The following FSTL5 variants were observed in gnomAD, a reference collection of about 807,000 sequenced individuals.
FSTL5 encodes follistatin like 5.
Under a neutral mutation model 89.1 loss-of-function variants are expected in FSTL5, and 62 were observed. That is an observed-to-expected ratio of 0.70 (90% CI 0.57 to 0.86). The LOEUF is 0.86. Among genes scored for constraint, FSTL5 ranks in the 40% least tolerant of loss-of-function variants. The pLI is 0.00. For missense variants in FSTL5, 1,057 were observed against 1,001.6 expected, an observed-to-expected ratio of 1.06 and a Z score of -0.75; for synonymous variants, 383 against 346.2, an observed-to-expected ratio of 1.11 and a Z score of -1.18.
chr4:162,066,014 A>G (rs1162579498), intron 2 of FSTL5, among the ~76,000 whole-genome samples: 1 of 152,038 alleles, frequency 6.6e-6, no homozygotes, highest in Non-Finnish European at 1.5e-5. Context: ...GCAGCATATT[A>G]TTCTTGGATT....
chr4:161,739,487 G>T (rs1739930160), intron 6 of FSTL5, among the ~76,000 whole-genome samples: 1 of 152,124 alleles, frequency 6.6e-6, no homozygotes, highest in African/African-American at 2.4e-5. Flanking sequence ...AATACAATTT[G>T]CTTATATCTC....
intron 7 of FSTL5, among the ~76,000 whole-genome samples, chr4:161,619,310 C>T (rs555878680): frequency 6.6e-6 from 1 of 152,218 alleles, no homozygotes; most frequent in South Asian, 2.1e-4. Context: ...ACACCAAAAG[C>T]AATGGCAACA....
At chr4:161,551,301 T>C (rs913561283) in intron 8 of FSTL5, among the ~76,000 whole-genome samples, 6 of 150,444 alleles carry the variant, frequency 4.0e-5, no homozygotes, top group Non-Finnish European at 8.9e-5. Context: ...TGGTATCTCA[T>C]TGTGGTTTTG....
chr4:162,014,319 C>A (rs187024376), intron 3 of FSTL5, among the ~76,000 whole-genome samples: 2 of 152,304 alleles, frequency 1.3e-5, no homozygotes, highest in African/African-American at 4.8e-5. Context: ...TACTGCAAGG[C>A]AGCTGGAGTC....
intron 15 of FSTL5, among the ~76,000 whole-genome samples, chr4:161,449,496 C>G (rs1415280076): frequency 1.3e-5 from 2 of 152,144 alleles, no homozygotes; most frequent in Non-Finnish European, 2.9e-5. Flanking sequence ...CAAATAGCAT[C>G]ACCCAAGTTT....
chr4:161,384,289 G>A lies in FSTL5; in HGVS notation c.*1458C>T, dbSNP rs959812027. ...AAAAGACCTTATTGGATTACCTTAA[G>A]TAAATGGAGGTCATTTCAACAGCCC... On this transcript the variant is annotated 3_prime_UTR_variant, in exon 16 of 16. Transcript: ENST00000306100. 2.0e-5 allele frequency: 3 copies of A among 151,966 alleles called. No individual in the cohort carries two copies. Among genetic ancestry groups the A allele is most frequent in the African/African-American group, 7.2e-5 (3 of 41,394 alleles). The allele number at this position is 151,966 out of a possible 1,614,324, so 9.4% of individuals were successfully genotyped here. A position where few individuals can be genotyped will look rare whatever the true frequency, so the allele number is the denominator to read the frequency against.
At chr4:161,828,122 C>G (rs1362520229) in intron 4 of FSTL5, among the ~76,000 whole-genome samples, 5 of 152,218 alleles carry the variant, frequency 3.3e-5, no homozygotes, top group African/African-American at 1.2e-4. Flanking sequence ...AGAGAGCCCA[C>G]AGGGGCACTT....
At chr4:162,023,582 C>G (rs564029017) in intron 3 of FSTL5, among the ~76,000 whole-genome samples, 2 of 152,098 alleles carry the variant, frequency 1.3e-5, no homozygotes, top group East Asian at 3.9e-4. Context: ...CATACCCAAT[C>G]CCTAGTTGCT....
chr4:162,029,414 A>T (rs1420473711), intron 3 of FSTL5, among the ~76,000 whole-genome samples: 1 of 152,158 alleles, frequency 6.6e-6, no homozygotes, highest in Non-Finnish European at 1.5e-5. Context: ...TAGAGTTTTG[A>T]ATGATAAATG....
At position 162,127,190 on chromosome 4, in the gene FSTL5, C is replaced by T. The variant is rs564760940; in HGVS notation, c.-16-15778G>A. On this transcript the variant is annotated intron_variant, in intron 1 of 15. Coordinates refer to ENST00000306100, the MANE Select transcript of FSTL5 (RefSeq NM_020116.5). The stretch of plus-strand genomic sequence containing the variant: ...TTCCCCAAAGAGCTAAATCTCCAGG[C>T]TGCCTTTCCTACTTCCTCGGAAACC... Among the ~76,000 whole-genome samples, 9 of 152,314 alleles carry T rather than the reference C, an allele frequency of 5.9e-5. No individual in the cohort carries two copies. In the South Asian group the frequency reaches 1.9e-3, roughly 32 times the overall value.
At chr4:161,929,062 G>T (rs1035599243) in intron 3 of FSTL5, among the ~76,000 whole-genome samples, 2 of 151,256 alleles carry the variant, frequency 1.3e-5, no homozygotes, top group Non-Finnish European at 3.0e-5. Context: ...AATTTTTTTT[G>T]AATTACATAA....
In FSTL5 at chr4:161,920,519, T is replaced by A. The variant is rs1311278279; in HGVS notation, c.294A>T (p.Lys98Asn). The stretch of plus-strand genomic sequence containing the variant: ...ATTCTCCGTCAGATCCACACACAGG[T>A]TTGTAGTGACGTTTGCAAAGGTCCA... The part of the protein sequence containing the change: ...ACMDLCKRHY[K>N]PVCGSDGEFY... Residue 98 changes from lysine to asparagine, a missense_variant, in exon 4 of 16, where the codon AAA becomes AAT. Physicochemically the swap from Lys to Asn is moderately conservative, Grantham distance 94. Transcript: ENST00000306100. The A allele has an allele frequency of 6.2e-7, 1 of 1,613,934 alleles. No homozygotes were observed. Among genetic ancestry groups the A allele is most frequent in the Non-Finnish European group, 8.5e-7 (1 of 1,180,000 alleles).
At chr4:161,451,174 TC>T (rs1335180712) in intron 15 of FSTL5, among the ~76,000 whole-genome samples, 11 of 142,456 alleles carry the variant, frequency 7.7e-5, no homozygotes, top group African/African-American at 2.4e-4. Context: ...CAAAATATAC[TC>T]CTTTTGCACT....
At chr4:161,632,794 A>C (rs1427673686) in intron 7 of FSTL5, among the ~76,000 whole-genome samples, 2 of 152,354 alleles carry the variant, frequency 1.3e-5, no homozygotes, top group South Asian at 4.1e-4. Context: ...TTTCATTAAT[A>C]AAATATTCAA....
chr4:162,102,878 T>C (rs1731060485), intron 2 of FSTL5, among the ~76,000 whole-genome samples: 1 of 151,402 alleles, frequency 6.6e-6, no homozygotes, highest in South Asian at 2.1e-4. Flanking sequence ...TTGTGTTGAA[T>C]AGATGTAAAT....
chr4:161,500,243 G>C (rs1217780309), intron 11 of FSTL5, 109 bp from the exon 12 acceptor site: 1 of 661,486 alleles, frequency 1.5e-6, no homozygotes, highest in Non-Finnish European at 2.5e-6. Context: ...TTTCGAAGTT[G>C]TGTAATGTTA....
At chr4:161,498,725 T>A (rs559137674) in intron 12 of FSTL5, among the ~76,000 whole-genome samples, 114 of 152,288 alleles carry the variant, frequency 7.5e-4, no homozygotes, top group African/African-American at 2.7e-3. Flanking sequence ...ACTACCTATA[T>A]CTGCATGTTA....
intron 6 of FSTL5, among the ~76,000 whole-genome samples, chr4:161,708,243 T>A (rs905063347): frequency 6.6e-6 from 1 of 152,032 alleles, no homozygotes; most frequent in Admixed American, 6.6e-5. Flanking sequence ...GGTTGAAAAC[T>A]ACAGATCTCT....
chr4:161,557,469 G>C (rs1732432133), intron 8 of FSTL5, among the ~76,000 whole-genome samples: 2 of 151,540 alleles, frequency 1.3e-5, no homozygotes, highest in Non-Finnish European at 3.0e-5. Flanking sequence ...TCCCTAACTT[G>C]ACAGGCATTA....
Sources: allele counts gnomAD v4.1 joint callset (sites outside exome capture counted in the v4.1 genomes callset), GRCh38; gene constraint gnomAD v4.1.1; transcripts MANE v1.5; gene names NCBI Gene and HGNC (gene_info 2026-07-23, HGNC 2026-07-21).